PCDH15: variants seen among roughly 807,000 people sequenced by gnomAD.
PCDH15 encodes the protein protocadherin related 15, also known as protocadherin-15.
Under a neutral mutation model 178.5 loss-of-function variants are expected in PCDH15, and 129 were observed. The observed-to-expected ratio is 0.72, with a 90% confidence interval of 0.63 to 0.84. PCDH15 has a LOEUF of 0.84. PCDH15 is among the 40% of genes least tolerant of loss of function. The pLI, the probability that PCDH15 is intolerant of heterozygous loss-of-function variation, is 0.00. For synonymous variants in PCDH15, 800 were observed against 732.0 expected (o/e 1.09, Z -1.50); for missense variants, 2,230 against 2,099.9 (o/e 1.06, Z -1.21).
intron 2 of PCDH15, among the ~76,000 whole-genome samples, chr10:54,903,217 C>T (rs985185602): frequency 7.2e-5 from 11 of 152,102 alleles, no homozygotes; most frequent in African/African-American, 2.2e-4. Context: ...CTACAGTGTT[C>T]GTTTGGATGG....
At chr10:54,730,269 G>A (rs1943155653) in intron 1 of PCDH15, among the ~76,000 whole-genome samples, 1 of 151,500 alleles carries the variant, frequency 6.6e-6, no homozygotes, top group Non-Finnish European at 1.5e-5. Context: ...GGAACTGGAG[G>A]CTATTATCTT....
At chr10:54,517,583 G>T (rs997884346) in intron 3 of PCDH15, among the ~76,000 whole-genome samples, 5 of 151,998 alleles carry the variant, frequency 3.3e-5, no homozygotes, top group Admixed American at 3.3e-4. Context: ...GACCTACAAA[G>T]AGACTTAGAC....
At chr10:54,694,415 G>A (rs754056400) in intron 1 of PCDH15, among the ~76,000 whole-genome samples, 10 of 152,012 alleles carry the variant, frequency 6.6e-5, no homozygotes, top group Admixed American at 1.3e-4. Context: ...GGAATAAATA[G>A]AACAATACAG....
intron 2 of PCDH15, among the ~76,000 whole-genome samples, chr10:54,979,794 A>G (rs887968227): frequency 1.6e-5 from 2 of 128,814 alleles, no homozygotes. Flanking sequence ...TTATGGCTAA[A>G]TATTATTTGG....
chr10:55,170,892 A>AAAAAAG (rs921105732), intron 1 of PCDH15, among the ~76,000 whole-genome samples: 2 of 152,188 alleles, frequency 1.3e-5, no homozygotes, highest in South Asian at 2.1e-4. Context: ...AAAAAAAAGA[A>AAAAAAG]AAAAAGAAAA....
At chr10:53,852,608 C>G (rs2078459392) in intron 28 of PCDH15, among the ~76,000 whole-genome samples, 1 of 152,066 alleles carries the variant, frequency 6.6e-6, no homozygotes, top group African/African-American at 2.4e-5. Context: ...TCTTAGCTAT[C>G]AAAGTGTACT....
intron 18 of PCDH15, among the ~76,000 whole-genome samples, chr10:54,037,079 T>C (rs1391433575): frequency 2.6e-5 from 4 of 151,950 alleles, no homozygotes; most frequent in Non-Finnish European, 5.9e-5. Context: ...TGTAATCTTA[T>C]GATAAACTTG....
intron 14 of PCDH15, among the ~76,000 whole-genome samples, chr10:54,139,211 T>C (rs1234591078): frequency 6.6e-6 from 1 of 152,108 alleles, no homozygotes; most frequent in Non-Finnish European, 1.5e-5. Context: ...ACTAATGTAA[T>C]GTTGTTAGTT....
chr10:53,914,134 G>A (rs1354192911), intron 25 of PCDH15, among the ~76,000 whole-genome samples: 1 of 152,160 alleles, frequency 6.6e-6, no homozygotes, highest in African/African-American at 2.4e-5. Flanking sequence ...GAGAGGATGT[G>A]GAGAAATAGG....
At chr10:55,487,665 T>C (rs1840323962) in intron 2 of PCDH15, among the ~76,000 whole-genome samples, 2 of 151,672 alleles carry the variant, frequency 1.3e-5, no homozygotes, top group South Asian at 4.1e-4. Flanking sequence ...TGAAATTTGA[T>C]GGCACAATAA....
chr10:54,548,465 C>T (rs531065926), intron 2 of PCDH15, among the ~76,000 whole-genome samples: 25 of 147,866 alleles, frequency 1.7e-4, no homozygotes, highest in Admixed American at 1.6e-3. Flanking sequence ...TATCCATTTT[C>T]ACCTCTAAAT....
chr10:54,796,581 TTCTC>T (rs1332643467), intron 1 of PCDH15, among the ~76,000 whole-genome samples: 1 of 151,890 alleles, frequency 6.6e-6, no homozygotes, highest in Non-Finnish European at 1.5e-5. Flanking sequence ...CTATCTCCAC[TTCTC>T]TCTCTTTCTG....
intron 2 of PCDH15, among the ~76,000 whole-genome samples, chr10:54,990,260 G>T (rs778600116): frequency 6.6e-5 from 10 of 152,094 alleles, no homozygotes; most frequent in African/African-American, 2.4e-4. Context: ...AACTTTTTTT[G>T]TATCAGCATT....
chr10:55,609,052 A>G (rs1843300319), intron 2 of PCDH15, among the ~76,000 whole-genome samples: 1 of 151,882 alleles, frequency 6.6e-6, no homozygotes, highest in Admixed American at 6.6e-5. Flanking sequence ...ACACGCACAC[A>G]CATATACACA....
intron 18 of PCDH15, among the ~76,000 whole-genome samples, chr10:54,044,151 A>C (rs984108733): frequency 1.3e-5 from 2 of 152,102 alleles, no homozygotes; most frequent in Non-Finnish European, 2.9e-5. Context: ...AGAAAAGTAC[A>C]TCTTACCAAG....
intron 5 of PCDH15, among the ~76,000 whole-genome samples, chr10:54,359,265 A>T (rs1001950390): frequency 8.1e-5 from 12 of 148,218 alleles, no homozygotes; most frequent in African/African-American, 3.1e-4. Context: ...CCTTTAAAAA[A>T]CTAAAAAAAA....
chr10:54,068,231 T>A (rs550815302), intron 17 of PCDH15, among the ~76,000 whole-genome samples: 30 of 152,240 alleles, frequency 2.0e-4, no homozygotes, highest in Middle Eastern at 3.4e-3. Context: ...TCATGCACAG[T>A]GTTCAGTAGT....
chr10:54,720,602 G>A (rs1175380043), intron 1 of PCDH15, among the ~76,000 whole-genome samples: 2 of 151,656 alleles, frequency 1.3e-5, no homozygotes, highest in African/African-American at 4.8e-5. Context: ...CAAGACAAAC[G>A]AAAGGAATTC....
At chr10:54,974,224 C>T (rs1839010091) in intron 2 of PCDH15, among the ~76,000 whole-genome samples, 1 of 151,956 alleles carries the variant, frequency 6.6e-6, no homozygotes, top group Admixed American at 6.6e-5. Context: ...ACTCAGTGAA[C>T]ACAAAGAAGC....
Sources: gnomAD v4.1 joint callset for allele counts (sites outside exome capture counted in the v4.1 genomes callset) on GRCh38, gnomAD v4.1.1 for gene constraint, MANE v1.5 for transcripts, NCBI Gene and HGNC (gene_info 2026-07-23, HGNC 2026-07-21) for gene names.